The following EHMT1 variants were observed in gnomAD, a reference collection of about 807,000 sequenced individuals.
EHMT1 encodes histone-lysine N-methyltransferase EHMT1.
Under a neutral mutation model 147.2 loss-of-function variants are expected in EHMT1, and 15 were observed. The observed-to-expected ratio is 0.10, with a 90% CI of 0.07 to 0.16. The LOEUF is 0.16. EHMT1 is among the 10% of genes least tolerant of loss of function. EHMT1 has a pLI of 1.00. For missense variants in EHMT1, 1,587 were observed against 1,772.4 expected, an observed-to-expected ratio of 0.90 and a Z score of 1.88; for synonymous variants, 795 against 709.6, an observed-to-expected ratio of 1.12 and a Z score of -1.91.
At chr9:137,809,000 TA>T (rs1160021344) in intron 18 of EHMT1, among the ~76,000 whole-genome samples, 1 of 152,090 alleles carries the variant, frequency 6.6e-6, no homozygotes, top group Non-Finnish European at 1.5e-5. Context: ...AAGAGGCCCC[TA>T]AGCAAGCAGC....
intron 1 of EHMT1, among the ~76,000 whole-genome samples, chr9:137,677,882 C>T (rs1941524256): frequency 6.6e-6 from 1 of 151,168 alleles, no homozygotes; most frequent in Non-Finnish European, 1.5e-5. Flanking sequence ...TACGGTGAAA[C>T]CCCGTCTCGA....
chr9:137,664,001 T>G (rs1186477684), intron 1 of EHMT1, among the ~76,000 whole-genome samples: 1 of 152,256 alleles, frequency 6.6e-6, no homozygotes, highest in African/African-American at 2.4e-5. Context: ...TCTTACAGAT[T>G]ATATATTTTA....
At chr9:137,629,398 TTTG>T (rs1450964415) in intron 1 of EHMT1, among the ~76,000 whole-genome samples, 1 of 149,294 alleles carries the variant, frequency 6.7e-6, no homozygotes, top group African/African-American at 2.5e-5. Flanking sequence ...GGCCAGTTTT[TTTG>T]TTGTTGTTGT....
chr9:137,795,519 G>A (rs1334162603), intron 16 of EHMT1, among the ~76,000 whole-genome samples: 10 of 152,088 alleles, frequency 6.6e-5, no homozygotes, highest in Admixed American at 5.2e-4. Flanking sequence ...CCTAACATGC[G>A]AGTCTTTGGG....
At chr9:137,796,837 C>A (rs538800162) in intron 16 of EHMT1, among the ~76,000 whole-genome samples, 2 of 150,360 alleles carry the variant, frequency 1.3e-5, no homozygotes, top group South Asian at 2.1e-4. Flanking sequence ...GACCATCTTA[C>A]AGTCACTGAA....
In EHMT1 at chr9:137,759,480, G is replaced by A. The variant is rs959245274; in HGVS notation, c.1501+1469G>A. ...AAGGCCGTTCCACCTGTCAGTGTGC[G>A]CCTGCTGTCTCTGGTGAGGTCGGGG... On this transcript the variant is annotated intron_variant, in intron 9 of 26. Transcript: ENST00000460843. 6.0e-4 allele frequency among the ~76,000 whole-genome samples: 92 copies of A among 152,330 alleles called. 1 individual carries two copies. The highest frequency in any genetic ancestry group is 2.1e-3 in the African/African-American group (86 of 41,578).
At chr9:137,632,119 A>G (rs759605385) in intron 1 of EHMT1, among the ~76,000 whole-genome samples, 9 of 152,224 alleles carry the variant, frequency 5.9e-5, no homozygotes, top group Non-Finnish European at 1.0e-4. Context: ...ACGTTTGCAC[A>G]GTGATGAAAT....
At chr9:137,638,045 A>AT (rs1775408340) in intron 1 of EHMT1, 1 of 145,462 alleles carries the variant, frequency 6.9e-6, no homozygotes, top group African/African-American at 2.5e-5. Context: ...AAGTGGGGTC[A>AT]TTTTTCTCTT....
Position 137,803,428 on chromosome 9 carries a change from C to T in EHMT1, c.2712+2444C>T, listed in dbSNP as rs1588799073. On this transcript the variant is annotated intron_variant, in intron 18 of 26. Transcript: ENST00000460843. ...GCTGGGCTTTCTGTTGTCTGCGTGT[C>T]TCGGTTTTATAGAAAAGGGCTCTCA... The T allele has an allele frequency of 1.5e-5, 7 of 479,782 alleles. No homozygotes were observed. In the South Asian group the frequency reaches 6.2e-4, roughly 42 times the overall value. The allele number at this position is 479,782 out of a possible 1,614,324, so 29.7% of individuals were successfully genotyped here. A position where few individuals can be genotyped will look rare whatever the true frequency, so the allele number is the denominator to read the frequency against.
At chr9:137,726,251 C>T (rs969638073) in intron 3 of EHMT1, among the ~76,000 whole-genome samples, 1 of 152,270 alleles carries the variant, frequency 6.6e-6, no homozygotes, top group Non-Finnish European at 1.5e-5. Flanking sequence ...CACTGAAGCT[C>T]TGTCTCCTTT....
At position 137,821,760 on chromosome 9, in the gene EHMT1, A is replaced by G. The variant is rs140745969; in HGVS notation, c.3540+3622A>G. 1.4e-3 allele frequency among the ~76,000 whole-genome samples: 207 copies of G among 152,316 alleles called. 1 individual carries two copies. The highest frequency in any genetic ancestry group is 4.5e-3 in the African/African-American group (187 of 41,564). On this transcript the variant is annotated intron_variant, in intron 25 of 26. Transcript: ENST00000460843. Reference sequence around the variant, plus strand: ...ATTAGACCTGTCAGTCAGGTTAGGGAAAAATGAGGCATTTACTACCTTGTT... The same window carrying G: ...ATTAGACCTGTCAGTCAGGTTAGGGGAAAATGAGGCATTTACTACCTTGTT...
intron 10 of EHMT1, among the ~76,000 whole-genome samples, chr9:137,767,828 T>A (rs2136461565): frequency 6.6e-6 from 1 of 152,144 alleles, no homozygotes; most frequent in Admixed American, 6.5e-5. Flanking sequence ...AAAAAAAAAT[T>A]AAAAATGCCT....
At chr9:137,778,314 G>C (rs1951114090) in intron 13 of EHMT1, among the ~76,000 whole-genome samples, 1 of 152,216 alleles carries the variant, frequency 6.6e-6, no homozygotes, top group African/African-American at 2.4e-5. Flanking sequence ...AACATTTCCT[G>C]GTTGCTGTTG....
chr9:137,646,708 GTT>G (rs1174480060), intron 1 of EHMT1, among the ~76,000 whole-genome samples: 1 of 152,228 alleles, frequency 6.6e-6, no homozygotes, highest in African/African-American at 2.4e-5. Flanking sequence ...TGGAGGCTGG[GTT>G]TGATCCCCTC....
At position 137,754,061 on chromosome 9, in the gene EHMT1, G is replaced by T. The variant is rs1949193154; in HGVS notation, c.1249-110G>T. On this transcript the variant is annotated intron_variant, in intron 7 of 26. Coordinates refer to ENST00000460843, the MANE Select transcript of EHMT1 (RefSeq NM_024757.5). ...AAGTTAAGTTCACCGTTTAATTGAA[G>T]ATCAAGACATAGCCAGTGTTCTGTT... 5 of 1,560,874 alleles carry T rather than the reference G, an allele frequency of 3.2e-6. No homozygotes were observed. The African/African-American group carries it at 4.1e-5, about 13-fold the overall frequency.
intron 14 of EHMT1, among the ~76,000 whole-genome samples, chr9:137,780,557 G>T: frequency 9.4e-6 from 1 of 106,180 alleles, no homozygotes; most frequent in Admixed American, 1.1e-4. Context: ...TGTGGTGATG[G>T]CATCACTGAG....
chr9:137,785,506 T>C (rs1182816643), intron 15 of EHMT1: 5 of 149,108 alleles, frequency 3.4e-5, no homozygotes, highest in South Asian at 2.1e-4. Flanking sequence ...TGGAGGCTTC[T>C]TGAAGACATT....
At chr9:137,709,528 C>G (rs1730220954) in intron 1 of EHMT1, among the ~76,000 whole-genome samples, 1 of 152,164 alleles carries the variant, frequency 6.6e-6, no homozygotes. Flanking sequence ...GATGTGAGCC[C>G]TGGAAAGCAG....
rs540617218 is a variant in EHMT1 at position 137,744,027 on chromosome 9, G to A, written c.1107G>A (p.Ala369=). 2.1e-4 allele frequency: 337 copies of A among 1,614,116 alleles called. 5 individuals are homozygous for A. The South Asian group carries it at 3.4e-3, about 17-fold the overall frequency. ...GCCATGGTGCAGAGCAGGCGGCCGC[G>A]TTCCCCACAGAGGACAGCAGGACTT... ...DDGHGAEQAA[A]FPTEDSRTSK... Residue 369 remains alanine (A), a synonymous_variant, in exon 6 of 27, where the codon GCG becomes GCA. Transcript: ENST00000460843.
Sources: gnomAD v4.1 joint callset for allele counts (sites outside exome capture counted in the v4.1 genomes callset) on GRCh38, gnomAD v4.1.1 for gene constraint, MANE v1.5 for transcripts, NCBI Gene and HGNC (gene_info 2026-07-23, HGNC 2026-07-21) for gene names.